Variants in CDKL5 observed in about 807,000 individuals in gnomAD.
The protein encoded by CDKL5 is cyclin dependent kinase like 5, also known as cyclin-dependent kinase-like 5.
In CDKL5, 8 loss-of-function variants were observed where a neutral mutation model predicts 61.7. The ratio of observed to expected loss-of-function variants is 0.13; its 90% CI spans 0.08 to 0.23. The LOEUF (loss-of-function observed/expected upper bound fraction) is 0.23. Ranked by LOEUF, CDKL5 falls within the 10% of genes least tolerant of loss-of-function variation. CDKL5 has a pLI of 1.00. For missense variants in CDKL5, 440 were observed against 734.5 expected (o/e 0.60, Z 4.63); for synonymous variants, 275 against 272.3 (o/e 1.01, Z -0.10).
chrX:18,481,625 G>C (rs1921582846), intron 1 of CDKL5, among the ~76,000 whole-genome samples: 1 of 106,927 alleles, frequency 9.4e-6, no homozygotes, highest in Admixed American at 1.0e-4. Context: ...GTCTCCCAAA[G>C]TGCTAGGATT....
At chrX:18,585,846 C>T (rs1029627853) in intron 8 of CDKL5, among the ~76,000 whole-genome samples, 4 of 111,484 alleles carry the variant, frequency 3.6e-5, no homozygotes, top group Non-Finnish European at 5.7e-5. Flanking sequence ...GCATGCCATA[C>T]GTGTATCTGG....
chrX:18,528,746 A>G (rs1161062823), intron 3 of CDKL5, among the ~76,000 whole-genome samples: 2 of 111,084 alleles, frequency 1.8e-5, no homozygotes, highest in Admixed American at 1.9e-4. Flanking sequence ...TGATCCTTCT[A>G]CCTCAGCCTT....
At chrX:18,473,773 G>A (rs193070839) in intron 1 of CDKL5, among the ~76,000 whole-genome samples, 1 of 105,818 alleles carries the variant, frequency 9.5e-6, no homozygotes, top group East Asian at 3.0e-4. Flanking sequence ...GTGCAGTGGC[G>A]CCGATTTCGG....
intron 3 of CDKL5, among the ~76,000 whole-genome samples, chrX:18,517,830 AC>A (rs1205881497): frequency 9.0e-6 from 1 of 111,520 alleles, no homozygotes; most frequent in Non-Finnish European, 1.9e-5. Context: ...ACATGGTGAA[AC>A]CCCATCTCTA....
Position 18,638,363 on chromosome X carries a change from C to T in CDKL5, c.*9606C>T, listed in dbSNP as rs954816107. The stretch of plus-strand genomic sequence containing the variant: ...TTTTTAAACAAACTCCAGTGTAGAC[C>T]GTGCTCTAGCATTTCTAAAAATAAA... On this transcript the variant is annotated 3_prime_UTR_variant, in exon 18 of 18. Coordinates refer to ENST00000623535, the MANE Select transcript of CDKL5 (RefSeq NM_001323289.2). 3 of 111,723 alleles carry T rather than the reference C, an allele frequency of 2.7e-5. No individual in the cohort carries two copies. The highest frequency in any genetic ancestry group is 2.8e-4 in the East Asian group (1 of 3,596). 9.2% of individuals were successfully genotyped at this position (111,723 alleles called of 1,213,427 possible).
At position 18,653,510 on chromosome X, in the gene CDKL5, C is replaced by A. The variant is rs757994307; in HGVS notation, c.3059C>A (p.Thr1020Lys). ...CAGGTAAACCAAGCTGCGCTCCTGA[C>A]ATACCATGAGAATGCGGCACTGACG... Residue 1020 changes from threonine to lysine, a missense_variant, in exon 22 of 22, where the codon ACA (threonine) becomes AAA (lysine). Physicochemically the swap from Thr to Lys is moderately conservative, Grantham distance 78. Transcript: ENST00000379989. 8.3e-6 allele frequency: 10 copies of A among 1,212,089 alleles called. 1 individual carries two copies. In the Admixed American group the frequency reaches 2.2e-4, roughly 26 times the overall value.
At chrX:18,441,967 A>G (rs1931755763) in intron 1 of CDKL5, among the ~76,000 whole-genome samples, 1 of 110,989 alleles carries the variant, frequency 9.0e-6, no homozygotes, top group Non-Finnish European at 1.9e-5. Context: ...ATTGGGCTCA[A>G]TGTGGAATCC....
At chrX:18,554,217 C>T (rs1280532467) in intron 3 of CDKL5, among the ~76,000 whole-genome samples, 1 of 107,230 alleles carries the variant, frequency 9.3e-6, no homozygotes, top group African/African-American at 3.4e-5. Flanking sequence ...CCTCCCCCTT[C>T]CCCCCATCCC....
rs899361262 is a variant in CDKL5, at chrX:18,595,453, A to C, written c.825+25A>C. 6 of 982,743 alleles carry C rather than the reference A, an allele frequency of 6.1e-6. No homozygotes were observed. The Admixed American group carries it at 1.3e-4, about 22-fold the overall frequency. 81.0% of individuals were successfully genotyped at this position (982,743 alleles called of 1,213,427 possible). On this transcript the variant is annotated intron_variant, in intron 10 of 17. Transcript: ENST00000623535. ...GGTAAGGCCAATTGATATTATCTCT[A>C]TAAAATGTCTTTTGGTTTGTGGATT...
rs779361711 is a variant in CDKL5, at chrX:18,518,388, A to ATTTT, written c.99+7566_99+7569dup. 5.5e-3 allele frequency among the ~76,000 whole-genome samples: 117 copies of ATTTT among 21,177 alleles called. 8 individuals are homozygous for ATTTT. The highest frequency in any genetic ancestry group is 7.0e-3 in the Non-Finnish European group (81 of 11,609). 18.4% of individuals were successfully genotyped at this position (21,177 alleles called of 115,157 possible). On this transcript the variant is annotated intron_variant, in intron 3 of 17. Transcript: ENST00000623535. ...AAGTCATGTTTTCTTTTCTTTTCTT[A>ATTTT]TTTTTTTTTTTTTTTTTTTTTTTTT...
At chrX:18,451,026 T>G (rs1449948032) in intron 1 of CDKL5, among the ~76,000 whole-genome samples, 1 of 111,121 alleles carries the variant, frequency 9.0e-6, no homozygotes, top group Non-Finnish European at 1.9e-5. Flanking sequence ...ATAGATAGGG[T>G]CCCTGAAGGG....
intron 1 of CDKL5, among the ~76,000 whole-genome samples, chrX:18,497,730 CAT>C (rs779655578): frequency 2.7e-5 from 3 of 110,918 alleles, no homozygotes; most frequent in East Asian, 2.9e-4. Context: ...TCACTCAAGA[CAT>C]AGAAATAGTG....
Position 18,595,374 on chromosome X carries a change from C to G in CDKL5, c.771C>G (p.Ser257=), listed in dbSNP as rs1469772469. The G allele has an allele frequency of 1.7e-6, 2 of 1,198,893 alleles. No homozygotes were observed. The highest frequency in any genetic ancestry group is 3.5e-5 in the African/African-American group (2 of 56,909). Residue 257 remains serine (S), a synonymous_variant, in exon 10 of 18, where the codon TCC becomes TCG. Coordinates refer to ENST00000623535, the MANE Select transcript of CDKL5 (RefSeq NM_001323289.2). ...TTCCAGCTGTTAACCATCCTCAGTC[C>G]TTGGAAAGAAGATACCTTGGAATTT... is the stretch of plus-strand genomic sequence containing the variant. ...LRFPAVNHPQ[S]LERRYLGILN...
chrX:18,441,818 A>G (rs917136471), intron 1 of CDKL5, among the ~76,000 whole-genome samples: 7 of 110,760 alleles, frequency 6.3e-5, no homozygotes, highest in Non-Finnish European at 1.3e-4. Context: ...TCCCTTTCTC[A>G]GTGATATTCT....
Position 18,595,330 on chromosome X carries a change from T to G in CDKL5, c.745-18T>G. The G allele has an allele frequency of 8.9e-7, 1 of 1,120,503 alleles. No individual in the cohort carries two copies. The highest frequency in any genetic ancestry group is 1.2e-6 in the Non-Finnish European group (1 of 812,131). The allele number at this position is 1,120,503 out of a possible 1,213,427, so 92.3% of individuals were successfully genotyped here. On this transcript the variant is annotated intron_variant, in intron 9 of 17. Transcript: ENST00000623535. ...TCCTTCCCCAAATGTTAACATTCCCTTTGTGTATGTCTCACAGTTTCCAGC... is the reference window on the plus strand; with the variant it reads ...TCCTTCCCCAAATGTTAACATTCCCGTTGTGTATGTCTCACAGTTTCCAGC...
intron 9 of CDKL5, among the ~76,000 whole-genome samples, chrX:18,594,319 G>A (rs1602279769): frequency 8.9e-6 from 1 of 111,953 alleles, no homozygotes; most frequent in South Asian, 3.7e-4. Context: ...CAGAATGTGA[G>A]TTGGCAGAGG....
chrX:18,578,142 C>T (rs965392238), intron 5 of CDKL5, among the ~76,000 whole-genome samples: 1 of 111,973 alleles, frequency 8.9e-6, no homozygotes, highest in Non-Finnish European at 1.9e-5. Context: ...ATTGGACATG[C>T]TTATCCCCAC....
intron 3 of CDKL5, among the ~76,000 whole-genome samples, chrX:18,546,258 C>CTTTT (rs935420091): frequency 3.3e-4 from 30 of 90,501 alleles, no homozygotes; most frequent in Non-Finnish European, 3.8e-4. Context: ...TCTACTTCTT[C>CTTTT]TTTTTTTTTT....
chrX:18,515,754 G>A (rs1218537292), intron 3 of CDKL5, among the ~76,000 whole-genome samples: 1 of 111,271 alleles, frequency 9.0e-6, no homozygotes, highest in African/African-American at 3.3e-5. Context: ...CCACATGCTA[G>A]ACACTCTACT....
Sources: allele counts gnomAD v4.1 joint callset (sites outside exome capture counted in the v4.1 genomes callset), GRCh38; gene constraint gnomAD v4.1.1; transcripts MANE v1.5; gene names NCBI Gene and HGNC (gene_info 2026-07-23, HGNC 2026-07-21).